MYOD1: variants seen among roughly 807,000 people sequenced by gnomAD.
MYOD1 encodes myoblast determination protein 1.
A neutral mutation model predicts 14.9 loss-of-function variants in MYOD1; 15 were observed. That is an observed-to-expected ratio of 1.01 (90% CI 0.67 to 1.55). MYOD1 has a LOEUF of 1.55. Ranked by LOEUF, MYOD1 falls within the 40% of genes most tolerant of loss-of-function variation. The pLI, the probability that MYOD1 is intolerant of heterozygous loss-of-function variation, is 0.00. For missense variants in MYOD1, 529 were observed against 482.6 expected, an observed-to-expected ratio of 1.10 and a Z score of -0.90; for synonymous variants, 235 against 218.6, an observed-to-expected ratio of 1.07 and a Z score of -0.66.
rs753537132 is a variant in MYOD1 at position 17,720,956 on chromosome 11, G to T, written c.685G>T (p.Ala229Ser). 4 of 1,605,860 alleles carry T rather than the reference G, an allele frequency of 2.5e-6. No homozygotes were observed. The South Asian group carries it at 4.5e-5, about 18-fold the overall frequency. Reference sequence around the variant, plus strand: ...CCGGCGGCGGAACTGCTACGAAGGCGCCTACTACAACGAGGCGCCCAGCGG... The same window carrying T: ...CCGGCGGCGGAACTGCTACGAAGGCTCCTACTACAACGAGGCGCCCAGCGG... Reference protein sequence around the residue: ...GARRRNCYEGAYYNEAPSEPR... With the variant: ...GARRRNCYEGSYYNEAPSEPR... Residue 229 changes from alanine (A) to serine (S), a missense_variant, in exon 2 of 3, where the codon GCC (alanine) becomes TCC (serine). Coordinates refer to ENST00000250003, the MANE Select transcript of MYOD1 (RefSeq NM_002478.5).
In MYOD1 at chr11:17,719,797, G is replaced by A. The variant is rs758754555; in HGVS notation, c.15G>A (p.Ser5=). 2 of 1,612,848 alleles carry A rather than the reference G, an allele frequency of 1.2e-6. No homozygotes were observed. Among genetic ancestry groups the A allele is most frequent in the East Asian group, 2.2e-5 (1 of 44,834 alleles). The change falls in exon 1 of 3, where the codon TCG becomes TCA. Residue 5 remains serine, a synonymous_variant. Coordinates refer to ENST00000250003, the MANE Select transcript of MYOD1 (RefSeq NM_002478.5). MELL[S]PPLRDVDLTA... ...ACCGCCAGGATATGGAGCTACTGTC[G>A]CCACCGCTCCGCGACGTAGACCTGA...
In MYOD1 at chr11:17,720,731, A is replaced by G. The variant is rs1036580725; in HGVS notation, c.631-171A>G. Among the ~76,000 whole-genome samples the G allele has an allele frequency of 2.6e-5, 4 of 152,226 alleles. No individual in the cohort carries two copies. In the South Asian group the frequency reaches 8.3e-4, roughly 32 times the overall value. On this transcript the variant is annotated intron_variant, in intron 1 of 2. Transcript: ENST00000250003. Reference sequence around the variant, plus strand: ...CTGTCCGCCCTTGGTTTGGCCCTGCATGTTGCAGACCTCATCTCCTACCCA... The same window carrying G: ...CTGTCCGCCCTTGGTTTGGCCCTGCGTGTTGCAGACCTCATCTCCTACCCA...
rs758976110 is a variant in MYOD1, at chr11:17,720,285, A to ACGCCGCGCCCCCTGG, written c.510_524dup (p.Pro171_Ala175dup). ...CTGCAGGCTCTGCTGCGCGACCAGG[A>ACGCCGCGCCCCCTGG]CGCCGCGCCCCCTGGCGCCGCAGCC... On this transcript the variant is annotated inframe_insertion, in exon 1 of 3. Coordinates refer to ENST00000250003, the MANE Select transcript of MYOD1 (RefSeq NM_002478.5). 2 of 1,594,540 alleles carry ACGCCGCGCCCCCTGG rather than the reference A, an allele frequency of 1.3e-6. No homozygotes were observed. Among genetic ancestry groups the ACGCCGCGCCCCCTGG allele is most frequent in the East Asian group, 2.4e-5 (1 of 42,448 alleles).
In MYOD1 at chr11:17,721,790, C is replaced by T; in HGVS notation, c.*282C>T. Reference sequence around the variant, plus strand: ...TGAGGGGCTAGGTTCAGCTTTCTCGCGCCCTCCCCCATGGGGGTGAGACCC... The same window carrying T: ...TGAGGGGCTAGGTTCAGCTTTCTCGTGCCCTCCCCCATGGGGGTGAGACCC... On this transcript the variant is annotated 3_prime_UTR_variant, in exon 3 of 3. Coordinates refer to ENST00000250003, the MANE Select transcript of MYOD1 (RefSeq NM_002478.5). The surrounding 1 kb of genome is among the most constrained non-coding windows in gnomAD (Gnocchi z 6.2). 1 of 406,892 alleles carries T rather than the reference C, an allele frequency of 2.5e-6. No individual in the cohort carries two copies. Among genetic ancestry groups the T allele is most frequent in the Non-Finnish European group, 4.3e-6 (1 of 231,778 alleles). The allele number at this position is 406,892 out of a possible 1,614,324, so 25.2% of individuals were successfully genotyped here. A position where few individuals can be genotyped will look rare whatever the true frequency, so the allele number is the denominator to read the frequency against.
Position 17,721,277 on chromosome 11 carries a change from G to C in MYOD1, c.732G>C (p.Ala244=). The C allele has an allele frequency of 6.4e-7, 1 of 1,571,686 alleles. No individual in the cohort carries two copies. Among genetic ancestry groups the C allele is most frequent in the South Asian group, 1.1e-5 (1 of 88,884 alleles). ...CAGAACCCAGGCCCGGGAAGAGTGC[G>C]GCGGTGTCGAGCCTAGACTGCCTGT... The part of the protein sequence containing the change: ...APSEPRPGKS[A]AVSSLDCLSS... Residue 244 remains alanine, a synonymous_variant, in exon 3 of 3, where the codon GCG becomes GCC. Coordinates refer to ENST00000250003, the MANE Select transcript of MYOD1 (RefSeq NM_002478.5). This position sits in a 1 kb window ranked among gnomAD's most constrained non-coding sequence, Gnocchi z 6.2.
Position 17,720,766 on chromosome 11 carries a change from AC to A in MYOD1, c.631-129del, listed in dbSNP as rs567919464. On this transcript the variant is annotated intron_variant, in intron 1 of 2. Coordinates refer to ENST00000250003, the MANE Select transcript of MYOD1 (RefSeq NM_002478.5). ...CCTCATCTCCTACCCACCCGTAATTACCCCCCCAACCAGGACAGGTCTGGGC... is the reference window on the plus strand; with the variant it reads ...CCTCATCTCCTACCCACCCGTAATTACCCCCCAACCAGGACAGGTCTGGGC... The A allele has an allele frequency of 2.1e-3, 2,037 of 953,950 alleles. 45 individuals carry two copies. The Admixed American group carries it at 0.043, about 20-fold the overall frequency. 59.1% of individuals were successfully genotyped at this position (953,950 alleles called of 1,614,324 possible).
Position 17,719,709 on chromosome 11 carries a change from C to T in MYOD1, c.-74C>T, listed in dbSNP as rs890288729. On this transcript the variant is annotated 5_prime_UTR_variant, in exon 1 of 3. Coordinates refer to ENST00000250003, the MANE Select transcript of MYOD1 (RefSeq NM_002478.5). ...GCTATCTACAGCCGGGGCTCCCGAGCGGCAGAAAGTTCCGGCCACTCTCTG... is the reference window on the plus strand; with the variant it reads ...GCTATCTACAGCCGGGGCTCCCGAGTGGCAGAAAGTTCCGGCCACTCTCTG... The T allele has an allele frequency of 2.0e-6, 3 of 1,524,682 alleles. No homozygotes were observed. The highest frequency in any genetic ancestry group is 1.4e-5 in the African/African-American group (1 of 72,196). 94.4% of individuals were successfully genotyped at this position (1,524,682 alleles called of 1,614,324 possible).
Position 17,721,250 on chromosome 11 carries a change from C to T in MYOD1, c.710-5C>T. 1 of 1,539,218 alleles carries T rather than the reference C, an allele frequency of 6.5e-7. No individual in the cohort carries two copies. Among genetic ancestry groups the T allele is most frequent in the South Asian group, 1.2e-5 (1 of 83,968 alleles). Reference sequence around the variant, plus strand: ...CTGCTTACTAACCGAGCCCTCCCCGCGCAGAACCCAGGCCCGGGAAGAGTG... The same window carrying T: ...CTGCTTACTAACCGAGCCCTCCCCGTGCAGAACCCAGGCCCGGGAAGAGTG... On this transcript the variant is annotated splice_polypyrimidine_tract_variant and splice_region_variant and intron_variant, in intron 2 of 2. Coordinates refer to ENST00000250003, the MANE Select transcript of MYOD1 (RefSeq NM_002478.5). The surrounding 1 kb of genome is among the most constrained non-coding windows in gnomAD (Gnocchi z 6.2).
Position 17,720,894 on chromosome 11 carries a change from G to A in MYOD1, c.631-8G>A, listed in dbSNP as rs917624492. 6.2e-7 allele frequency: 1 copy of A among 1,611,412 alleles called. No individual in the cohort carries two copies. Among genetic ancestry groups the A allele is most frequent in the Non-Finnish European group, 8.5e-7 (1 of 1,179,310 alleles). On this transcript the variant is annotated splice_polypyrimidine_tract_variant and splice_region_variant and intron_variant, in intron 1 of 2. Coordinates refer to ENST00000250003, the MANE Select transcript of MYOD1 (RefSeq NM_002478.5). ...CGGGCCTGACTCAGTCGCCCTTGCTGTTTGCAGATGGACTACAGCGGCCCC... is the reference window on the plus strand; with the variant it reads ...CGGGCCTGACTCAGTCGCCCTTGCTATTTGCAGATGGACTACAGCGGCCCC...
chr11:17,720,443 T>C, intron 1 of MYOD1, 31 bp downstream of exon 1: 2 of 1,517,494 alleles, frequency 1.3e-6, no homozygotes. Context: ...AGTGAGGAAG[T>C]TAGGGCGGCG....
Position 17,721,382 on chromosome 11 carries a change from T to C in MYOD1, c.837T>C (p.Pro279=). The part of the protein sequence containing the change: ...LLLADVPSES[P]PRRQEAAAPS... ...TGGCGGACGTGCCTTCTGAGTCGCC[T>C]CCGCGCAGGCAAGAGGCTGCCGCCC... is the stretch of plus-strand genomic sequence containing the variant. Residue 279 remains proline, a synonymous_variant, in exon 3 of 3, where the codon CCT becomes CCC. Transcript: ENST00000250003. This position sits in a 1 kb window ranked among gnomAD's most constrained non-coding sequence, Gnocchi z 6.2. 6.3e-7 allele frequency: 1 copy of C among 1,595,128 alleles called. No homozygotes were observed. Among genetic ancestry groups the C allele is most frequent in the Non-Finnish European group, 8.5e-7 (1 of 1,177,876 alleles).
In MYOD1 at chr11:17,721,462, A is replaced by G. The variant is rs1388918339; in HGVS notation, c.917A>G (p.Gln306Arg). 5 of 1,593,778 alleles carry G rather than the reference A, an allele frequency of 3.1e-6. No homozygotes were observed. The highest frequency in any genetic ancestry group is 3.4e-5 in the Admixed American group (2 of 58,796). The change falls in exon 3 of 3, where the codon CAG (glutamine) becomes CGG (arginine). Residue 306 changes from glutamine (Q) to arginine (R), a missense_variant. Transcript: ENST00000250003. This position sits in a 1 kb window ranked among gnomAD's most constrained non-coding sequence, Gnocchi z 6.2. ...DPTQSPDAAP[Q>R]CPAGANPNPI... Reference sequence around the variant, plus strand: ...ACCCAGTCACCGGACGCCGCCCCGCAGTGCCCTGCGGGTGCGAACCCCAAC... The same window carrying G: ...ACCCAGTCACCGGACGCCGCCCCGCGGTGCCCTGCGGGTGCGAACCCCAAC...
Position 17,721,078 on chromosome 11 carries a change from T to C in MYOD1, c.709+98T>C. On this transcript the variant is annotated intron_variant, in intron 2 of 2. Transcript: ENST00000250003. This position sits in a 1 kb window ranked among gnomAD's most constrained non-coding sequence, Gnocchi z 6.2. Reference sequence around the variant, plus strand: ...TCCCACCCCCACTCACACACGCCTATGTCCTGGGAAGTGGTGCAGGAGATG... The same window carrying C: ...TCCCACCCCCACTCACACACGCCTACGTCCTGGGAAGTGGTGCAGGAGATG... 7.1e-7 allele frequency: 1 copy of C among 1,415,578 alleles called. No individual in the cohort carries two copies. Among genetic ancestry groups the C allele is most frequent in the South Asian group, 1.5e-5 (1 of 67,522 alleles). The allele number at this position is 1,415,578 out of a possible 1,614,324, so 87.7% of individuals were successfully genotyped here.
In MYOD1 at chr11:17,720,339, C is replaced by T. The variant is rs1036774997; in HGVS notation, c.557C>T (p.Pro186Leu). ...AAFYAPGPLP[P>L]GRGGEHYSGD... ...TTCTATGCGCCGGGCCCGCTGCCCC[C>T]GGGCCGCGGCGGCGAGCACTACAGC... The change falls in exon 1 of 3, where the codon CCG becomes CTG. Residue 186 changes from proline to leucine, a missense_variant. By Grantham distance (98) the Pro-to-Leu change is moderately conservative. Coordinates refer to ENST00000250003, the MANE Select transcript of MYOD1 (RefSeq NM_002478.5). 3.9e-6 allele frequency: 6 copies of T among 1,532,608 alleles called. No individual in the cohort carries two copies. In the South Asian group the frequency reaches 6.2e-5, roughly 16 times the overall value. 94.9% of individuals were successfully genotyped at this position (1,532,608 alleles called of 1,614,324 possible). A position where few individuals can be genotyped will look rare whatever the true frequency, so the allele number is the denominator to read the frequency against.
At position 17,720,153 on chromosome 11, in the gene MYOD1, A is replaced by C; in HGVS notation, c.371A>C (p.Lys124Thr). The change falls in exon 1 of 3, where the codon AAA becomes ACA. Residue 124 changes from lysine to threonine, a missense_variant. Physicochemically the swap from Lys to Thr is moderately conservative, Grantham distance 78. Coordinates refer to ENST00000250003, the MANE Select transcript of MYOD1 (RefSeq NM_002478.5). ...ATGCGCGAGCGGCGCCGCCTGAGCA[A>C]AGTAAATGAGGCCTTTGAGACACTC... ...ATMRERRRLS[K>T]VNEAFETLKR... 1 of 1,604,826 alleles carries C rather than the reference A, an allele frequency of 6.2e-7. No homozygotes were observed. Among genetic ancestry groups the C allele is most frequent in the Non-Finnish European group, 8.5e-7 (1 of 1,176,792 alleles).
Position 17,721,059 on chromosome 11 carries a change from C to G in MYOD1, c.709+79C>G, listed in dbSNP as rs765064673. The G allele has an allele frequency of 5.1e-5, 73 of 1,434,670 alleles. No individual in the cohort carries two copies. Among genetic ancestry groups the G allele is most frequent in the Non-Finnish European group, 6.0e-5 (65 of 1,079,420 alleles). 88.9% of individuals were successfully genotyped at this position (1,434,670 alleles called of 1,614,324 possible). ...TGGCCTCTATCTAGGACGCTCCCAC[C>G]CCCACTCACACACGCCTATGTCCTG... is the stretch of plus-strand genomic sequence containing the variant. On this transcript the variant is annotated intron_variant, in intron 2 of 2. Coordinates refer to ENST00000250003, the MANE Select transcript of MYOD1 (RefSeq NM_002478.5). This position sits in a 1 kb window ranked among gnomAD's most constrained non-coding sequence, Gnocchi z 6.2.
At position 17,721,270 on chromosome 11, in the gene MYOD1, A is replaced by G; in HGVS notation, c.725A>G (p.Lys242Arg). 1.3e-6 allele frequency: 2 copies of G among 1,560,962 alleles called. No homozygotes were observed. The highest frequency in any genetic ancestry group is 8.7e-7 in the Non-Finnish European group (1 of 1,154,450). The change falls in exon 3 of 3, where the codon AAG (lysine) becomes AGG (arginine). Residue 242 changes from lysine (K) to arginine (R), a missense_variant. Coordinates refer to ENST00000250003, the MANE Select transcript of MYOD1 (RefSeq NM_002478.5). This position sits in a 1 kb window ranked among gnomAD's most constrained non-coding sequence, Gnocchi z 6.2. Reference protein sequence around the residue: ...NEAPSEPRPGKSAAVSSLDCL... With the variant: ...NEAPSEPRPGRSAAVSSLDCL... Reference sequence around the variant, plus strand: ...CCCCGCGCAGAACCCAGGCCCGGGAAGAGTGCGGCGGTGTCGAGCCTAGAC... The same window carrying G: ...CCCCGCGCAGAACCCAGGCCCGGGAGGAGTGCGGCGGTGTCGAGCCTAGAC...
At position 17,721,804 on chromosome 11, in the gene MYOD1, G is replaced by C; in HGVS notation, c.*296G>C. On this transcript the variant is annotated 3_prime_UTR_variant, in exon 3 of 3. Transcript: ENST00000250003. This position sits in a 1 kb window ranked among gnomAD's most constrained non-coding sequence, Gnocchi z 6.2. ...CAGCTTTCTCGCGCCCTCCCCCATG[G>C]GGGTGAGACCCTCGCAGACCTAAGC... The C allele has an allele frequency of 2.5e-6, 1 of 403,534 alleles. No homozygotes were observed. Among genetic ancestry groups the C allele is most frequent in the Admixed American group, 4.6e-5 (1 of 21,702 alleles). 25.0% of individuals were successfully genotyped at this position (403,534 alleles called of 1,614,324 possible). A position where few individuals can be genotyped will look rare whatever the true frequency, so the allele number is the denominator to read the frequency against.
chr11:17,721,109 C>G lies in MYOD1; in HGVS notation c.709+129C>G. 1 of 1,417,078 alleles carries G rather than the reference C, an allele frequency of 7.1e-7. No individual in the cohort carries two copies. Among genetic ancestry groups the G allele is most frequent in the Non-Finnish European group, 9.3e-7 (1 of 1,070,448 alleles). 87.8% of individuals were successfully genotyped at this position (1,417,078 alleles called of 1,614,324 possible). ...GGGAAGTGGTGCAGGAGATGAAATA[C>G]TAAGCAAGTAGCTCCCTGTCTTTTG... On this transcript the variant is annotated intron_variant, in intron 2 of 2. Transcript: ENST00000250003. The surrounding 1 kb of genome is among the most constrained non-coding windows in gnomAD (Gnocchi z 6.2).
Sources: allele counts gnomAD v4.1 joint callset (sites outside exome capture counted in the v4.1 genomes callset), GRCh38; gene constraint gnomAD v4.1.1; non-coding constraint Gnocchi (gnomAD v3.1); transcripts MANE v1.5; gene names NCBI Gene and HGNC (gene_info 2026-07-23, HGNC 2026-07-21).